The following NRXN1 variants were observed in gnomAD, a reference collection of about 807,000 sequenced individuals.
NRXN1 encodes neurexin-1.
In NRXN1, 39 loss-of-function variants were observed where a neutral mutation model predicts 150.9. The ratio of observed to expected loss-of-function variants is 0.26; its 90% confidence interval spans 0.20 to 0.34. The LOEUF is 0.34. Ranked by LOEUF, NRXN1 falls within the 10% of genes least tolerant of loss-of-function variation. The pLI, the probability that NRXN1 is intolerant of heterozygous loss-of-function variation, is 1.00. For synonymous variants in NRXN1, 924 were observed against 757.0 expected, an observed-to-expected ratio of 1.22 and a Z score of -3.62; for missense variants, 1,815 against 1,949.9, an observed-to-expected ratio of 0.93 and a Z score of 1.30.
At chr2:50,451,081 T>C (rs6739297) in intron 17 of NRXN1, among the ~76,000 whole-genome samples, 83,669 of 151,850 alleles carry the variant, frequency 0.55, 26,760 homozygotes, top group East Asian at 0.92. Flanking sequence ...ATCCTTCTAC[T>C]TCAGCCTCCT....
chr2:50,610,669 A>C (rs912129528), intron 8 of NRXN1, among the ~76,000 whole-genome samples: 6 of 128,760 alleles, frequency 4.7e-5, no homozygotes, highest in African/African-American at 1.7e-4. Flanking sequence ...ATATATATAT[A>C]TATATATATC....
intron 12 of NRXN1, among the ~76,000 whole-genome samples, chr2:50,517,785 A>T (rs898473870): frequency 2.0e-5 from 3 of 151,132 alleles, no homozygotes; most frequent in African/African-American, 7.4e-5. Flanking sequence ...ATTTAATTAT[A>T]AAAAAACACA....
intron 17 of NRXN1, among the ~76,000 whole-genome samples, chr2:50,264,275 C>T (rs950497933): frequency 3.3e-5 from 5 of 151,938 alleles, no homozygotes; most frequent in African/African-American, 9.7e-5. Context: ...CACAATTGAA[C>T]GCACACATAC....
chr2:50,675,926 C>T (rs1408203461), intron 5 of NRXN1, among the ~76,000 whole-genome samples: 1 of 151,934 alleles, frequency 6.6e-6, no homozygotes, highest in African/African-American at 2.4e-5. Flanking sequence ...GCTTAAGATC[C>T]AGTCAAAAAG....
At position 50,163,164 on chromosome 2, in the gene NRXN1, G is replaced by GTATATATATATATATATATA. The variant is rs59163565; in HGVS notation, c.3547-71690_3547-71671dup. ...AGTTATAGATCTATCAATCCAAAAT[G>GTATATATATATATATATATA]TATATATATATATATATATATAAAA... On this transcript the variant is annotated intron_variant, in intron 18 of 22. Coordinates refer to ENST00000401669, the MANE Select transcript of NRXN1 (RefSeq NM_001330078.2). Among the ~76,000 whole-genome samples, 929 of 141,582 alleles carry GTATATATATATATATATATA rather than the reference G, an allele frequency of 6.6e-3. 4 individuals are homozygous for GTATATATATATATATATATA. Among genetic ancestry groups the GTATATATATATATATATATA allele is most frequent in the Middle Eastern group, 0.016 (4 of 246 alleles). The allele number at this position is 141,582 out of a possible 152,430, so 92.9% of individuals were successfully genotyped here.
At chr2:50,621,144 A>T in intron 7 of NRXN1, 82 bp downstream of exon 7, 1 of 1,285,096 alleles carries the variant, frequency 7.8e-7, no homozygotes, top group Non-Finnish European at 1.1e-6. Flanking sequence ...GTCTACAGTT[A>T]AAAGAAAGAA....
At chr2:50,049,749 T>G (rs1039692261) in intron 21 of NRXN1, among the ~76,000 whole-genome samples, 4 of 152,088 alleles carry the variant, frequency 2.6e-5, no homozygotes, top group Admixed American at 2.0e-4. Context: ...ACTCATCTCA[T>G]AAGACATTGC....
Position 50,666,758 on chromosome 2 carries a change from T to C in NRXN1, c.833-43143A>G, listed in dbSNP as rs752305961. 1.1e-4 allele frequency among the ~76,000 whole-genome samples: 17 copies of C among 151,908 alleles called. 1 individual carries two copies. The highest frequency in any genetic ancestry group is 1.6e-4 in the Non-Finnish European group (11 of 67,890). On this transcript the variant is annotated intron_variant, in intron 5 of 22. Transcript: ENST00000401669. Reference sequence around the variant, plus strand: ...TAAATACCAATTGTAATTGTTACAATATTTTAGAACTACTAACCCAGTATT... The same window carrying C: ...TAAATACCAATTGTAATTGTTACAACATTTTAGAACTACTAACCCAGTATT...
intron 5 of NRXN1, among the ~76,000 whole-genome samples, chr2:50,907,568 A>G (rs1309226734): frequency 1.3e-5 from 2 of 152,028 alleles, no homozygotes; most frequent in Non-Finnish European, 2.9e-5. Flanking sequence ...ACTATAGGGT[A>G]AGAACCCTGG....
At chr2:50,750,343 G>C (rs1280699759) in intron 5 of NRXN1, among the ~76,000 whole-genome samples, 1 of 130,488 alleles carries the variant, frequency 7.7e-6, no homozygotes, top group East Asian at 3.1e-4. Flanking sequence ...GTTGTCAGTA[G>C]TCAAAAATTA....
intron 2 of NRXN1, among the ~76,000 whole-genome samples, chr2:50,981,452 T>C (rs1696785854): frequency 1.8e-5 from 1 of 55,590 alleles, no homozygotes; most frequent in Non-Finnish European, 3.0e-5. Flanking sequence ...ATAGAAACTC[T>C]ATCTCAAAAA....
intron 17 of NRXN1, among the ~76,000 whole-genome samples, chr2:50,370,777 G>A (rs1915174): frequency 0.57 from 85,890 of 151,754 alleles, 26,550 homozygotes; most frequent in East Asian, 0.92. Flanking sequence ...CTTTGCTTTA[G>A]CGAACACGAA....
At chr2:50,024,620 CT>C (rs1040229960) in intron 21 of NRXN1, among the ~76,000 whole-genome samples, 70 of 146,032 alleles carry the variant, frequency 4.8e-4, no homozygotes, top group African/African-American at 8.0e-4. Context: ...CAGAGTAATT[CT>C]TTTTTTTTTT....
intron 5 of NRXN1, among the ~76,000 whole-genome samples, chr2:50,675,386 GA>G (rs1251236426): frequency 6.6e-6 from 1 of 152,154 alleles, no homozygotes; most frequent in Non-Finnish European, 1.5e-5. Context: ...AACATAGACA[GA>G]TTTCGAGAAT....
At chr2:50,176,816 G>C (rs931350907) in intron 18 of NRXN1, among the ~76,000 whole-genome samples, 7 of 152,062 alleles carry the variant, frequency 4.6e-5, no homozygotes, top group Non-Finnish European at 1.0e-4. Context: ...GCTTGCTTTA[G>C]TTTGTAACAT....
intron 17 of NRXN1, among the ~76,000 whole-genome samples, chr2:50,390,856 T>G (rs1437619595): frequency 1.3e-5 from 2 of 152,120 alleles, no homozygotes; most frequent in East Asian, 3.9e-4. Context: ...CTGTAAGGAA[T>G]AAATATCTGT....
At chr2:49,981,005 T>G (rs550682464) in intron 21 of NRXN1, among the ~76,000 whole-genome samples, 1 of 152,214 alleles carries the variant, frequency 6.6e-6, no homozygotes, top group East Asian at 1.9e-4. Context: ...ATCTTGCAAT[T>G]CTAGTTTTTC....
intron 17 of NRXN1, among the ~76,000 whole-genome samples, chr2:50,316,584 T>G (rs78584543): frequency 0.015 from 2,228 of 152,158 alleles, 38 homozygotes; most frequent in African/African-American, 0.051. Context: ...ACAAAGCAGA[T>G]TTTATAACTG....
intron 15 of NRXN1, among the ~76,000 whole-genome samples, chr2:50,475,828 T>G (rs2089942880): frequency 6.6e-6 from 1 of 151,816 alleles, no homozygotes; most frequent in Admixed American, 6.6e-5. Context: ...TATTATCACT[T>G]TATCAAAGAT....
Sources: allele counts gnomAD v4.1 joint callset (sites outside exome capture counted in the v4.1 genomes callset), GRCh38; gene constraint gnomAD v4.1.1; transcripts MANE v1.5; gene names NCBI Gene and HGNC (gene_info 2026-07-23, HGNC 2026-07-21).